Variants in DIAPH3 observed in about 807,000 individuals in gnomAD.
DIAPH3 encodes the protein diaphanous related formin 3.
Under a neutral mutation model 144.3 loss-of-function variants are expected in DIAPH3, and 117 were observed. That is an observed-to-expected ratio of 0.81 (90% CI 0.70 to 0.95). The LOEUF (loss-of-function observed/expected upper bound fraction) is 0.95. Ranked by LOEUF, DIAPH3 falls within the 40% of genes least tolerant of loss-of-function variation. DIAPH3 has a pLI of 0.00. For missense variants in DIAPH3, 1,421 were observed against 1,412.7 expected, an observed-to-expected ratio of 1.01 and a Z score of -0.09; for synonymous variants, 519 against 488.9, an observed-to-expected ratio of 1.06 and a Z score of -0.81.
intron 1 of DIAPH3, among the ~76,000 whole-genome samples, chr13:60,141,918 A>T (rs116484212): frequency 1.1e-3 from 167 of 152,328 alleles, no homozygotes; most frequent in African/African-American, 3.8e-3. Flanking sequence ...GTTTGAGCAG[A>T]GTTGCCAGTG....
rs117720828 is a variant in DIAPH3 at position 59,881,780 on chromosome 13, T to C, written c.2368-2312A>G. On this transcript the variant is annotated intron_variant, in intron 20 of 27. Coordinates refer to ENST00000400324, the MANE Select transcript of DIAPH3 (RefSeq NM_001042517.2). ...CCTGACAAGGCAAAGTCAGGAAATGTAACCTAAAAACAAAGCTTTGAACAA... is the reference window on the plus strand; with the variant it reads ...CCTGACAAGGCAAAGTCAGGAAATGCAACCTAAAAACAAAGCTTTGAACAA... Among the ~76,000 whole-genome samples, 38 of 152,278 alleles carry C rather than the reference T, an allele frequency of 2.5e-4. No homozygotes were observed. In the East Asian group the frequency reaches 6.6e-3, roughly 26 times the overall value.
intron 27 of DIAPH3, among the ~76,000 whole-genome samples, chr13:59,737,313 AACG>A (rs2036205458): frequency 5.2e-5 from 1 of 19,202 alleles, no homozygotes; most frequent in Admixed American, 5.9e-4. Context: ...AAAAATAAAC[AACG>A]CCATTAAAAA....
chr13:59,731,632 T>C (rs894083260), intron 27 of DIAPH3, among the ~76,000 whole-genome samples: 2 of 152,156 alleles, frequency 1.3e-5, no homozygotes, highest in African/African-American at 4.8e-5. Context: ...ATCACCACAG[T>C]TAAAAAGCTT....
intron 22 of DIAPH3, among the ~76,000 whole-genome samples, chr13:59,842,421 A>AT (rs566235989): frequency 4.0e-4 from 61 of 152,200 alleles, no homozygotes; most frequent in Non-Finnish European, 3.1e-4. Flanking sequence ...AGATTGTTTG[A>AT]TTTTTTCTCT....
Position 59,982,998 on chromosome 13 carries a change from T to G in DIAPH3, c.1480+771A>C, listed in dbSNP as rs555817318. Among the ~76,000 whole-genome samples the G allele has an allele frequency of 7.3e-5, 11 of 151,550 alleles. No individual in the cohort carries two copies. The South Asian group carries it at 8.3e-4, about 11-fold the overall frequency. On this transcript the variant is annotated intron_variant, in intron 13 of 27. Transcript: ENST00000400324. ...CAAATTTCCACTTAAAAACTCAAATTTTCTCATTGGCAGCCTATTTATCGG... is the reference window on the plus strand; with the variant it reads ...CAAATTTCCACTTAAAAACTCAAATGTTCTCATTGGCAGCCTATTTATCGG...
At chr13:59,951,077 T>A (rs142037659) in intron 17 of DIAPH3, among the ~76,000 whole-genome samples, 157 of 152,280 alleles carry the variant, frequency 1.0e-3, no homozygotes, top group Non-Finnish European at 1.7e-3. Flanking sequence ...TAATGTTTTA[T>A]GTGTACTTAA....
At chr13:59,724,742 G>T (rs1465573427) in intron 27 of DIAPH3, among the ~76,000 whole-genome samples, 2 of 152,180 alleles carry the variant, frequency 1.3e-5, no homozygotes, top group Admixed American at 6.5e-5. Flanking sequence ...GATAGTGAAA[G>T]AAATCGTTGT....
chr13:59,815,733 G>A (rs958876072), intron 24 of DIAPH3, among the ~76,000 whole-genome samples: 2 of 152,096 alleles, frequency 1.3e-5, no homozygotes, highest in Non-Finnish European at 2.9e-5. Context: ...TGGGATTACA[G>A]GGATGAGCCA....
intron 27 of DIAPH3, among the ~76,000 whole-genome samples, chr13:59,692,137 CTTTTTTTTTT>C (rs56205887): frequency 4.7e-3 from 275 of 58,212 alleles, no homozygotes; most frequent in African/African-American, 0.015. Context: ...TTGAGAAATT[CTTTTTTTTTT>C]TTTTTTTTTT....
intron 13 of DIAPH3, 84 bp from the exon 14 acceptor site, chr13:59,980,943 A>G: frequency 8.8e-7 from 1 of 1,139,552 alleles, no homozygotes; most frequent in Non-Finnish European, 1.3e-6. Flanking sequence ...AAAAAAGATC[A>G]TAGAAAATAA....
At chr13:59,943,030 C>T (rs1240358965) in intron 17 of DIAPH3, among the ~76,000 whole-genome samples, 1 of 152,058 alleles carries the variant, frequency 6.6e-6, no homozygotes, top group Non-Finnish European at 1.5e-5. Context: ...TATATATAAG[C>T]ATTTGTTGCA....
chr13:60,029,448 C>T (rs1181927505), intron 5 of DIAPH3, among the ~76,000 whole-genome samples: 1 of 152,162 alleles, frequency 6.6e-6, no homozygotes, highest in Non-Finnish European at 1.5e-5. Flanking sequence ...TTATAATCCC[C>T]ATAATCCCCA....
At chr13:60,081,748 T>C (rs1329109864) in intron 4 of DIAPH3, among the ~76,000 whole-genome samples, 1 of 151,938 alleles carries the variant, frequency 6.6e-6, no homozygotes, top group Admixed American at 6.6e-5. Flanking sequence ...GAGTAGCTAA[T>C]GAACATGAAA....
intron 27 of DIAPH3, among the ~76,000 whole-genome samples, chr13:59,710,134 T>G (rs888794059): frequency 6.6e-6 from 1 of 151,942 alleles, no homozygotes; most frequent in Non-Finnish European, 1.5e-5. Flanking sequence ...TTGGGAGATA[T>G]ACCTAATGCT....
rs139461986 is a variant in DIAPH3, at chr13:59,792,876, C to T, written c.3163+17912G>A. ...CATTACTCCAGATGCTGAGTAGTGC[C>T]GGTAAGAAACAATACCACAGGATCT... On this transcript the variant is annotated intron_variant, in intron 25 of 27. Transcript: ENST00000400324. 1.3e-3 allele frequency among the ~76,000 whole-genome samples: 192 copies of T among 152,214 alleles called. 1 individual carries two copies. The highest frequency in any genetic ancestry group is 4.4e-3 in the African/African-American group (182 of 41,532).
At chr13:59,700,849 A>T (rs923787509) in intron 27 of DIAPH3, among the ~76,000 whole-genome samples, 15 of 152,198 alleles carry the variant, frequency 9.9e-5, no homozygotes, top group Non-Finnish European at 1.6e-4. Flanking sequence ...AGAGTAGATT[A>T]TTTTAGTACT....
In DIAPH3 at chr13:60,068,305, T is replaced by C. The variant is rs530381836; in HGVS notation, c.495+25323A>G. Among the ~76,000 whole-genome samples the C allele has an allele frequency of 2.6e-5, 4 of 152,340 alleles. No individual in the cohort carries two copies. In the East Asian group the frequency reaches 7.7e-4, roughly 29 times the overall value. On this transcript the variant is annotated intron_variant, in intron 4 of 27. Coordinates refer to ENST00000400324, the MANE Select transcript of DIAPH3 (RefSeq NM_001042517.2). ...TCAGATAACTTAACCAAAAATGCTA[T>C]ATTACATCACAGTTCCACCAGCCAT...
At chr13:60,069,754 A>G (rs1205264615) in intron 4 of DIAPH3, among the ~76,000 whole-genome samples, 1 of 151,916 alleles carries the variant, frequency 6.6e-6, no homozygotes, top group African/African-American at 2.4e-5. Flanking sequence ...ACGGCTCGTT[A>G]TTGTCAACTT....
intron 2 of DIAPH3, among the ~76,000 whole-genome samples, chr13:60,117,657 A>G (rs1366407492): frequency 3.3e-5 from 5 of 152,134 alleles, no homozygotes; most frequent in African/African-American, 1.2e-4. Context: ...GGTTACTATG[A>G]TTCCATTCAC....
Sources: allele counts gnomAD v4.1 joint callset (sites outside exome capture counted in the v4.1 genomes callset), GRCh38; gene constraint gnomAD v4.1.1; transcripts MANE v1.5; gene names NCBI Gene and HGNC (gene_info 2026-07-23, HGNC 2026-07-21).